Variants in DOCK11 observed in about 807,000 individuals in gnomAD.
DOCK11 encodes dedicator of cytokinesis protein 11.
In DOCK11, 70 loss-of-function variants were observed where a neutral mutation model predicts 169.1. That is an observed-to-expected ratio of 0.41 (90% CI 0.34 to 0.51). The LOEUF is 0.51. DOCK11 is among the 20% of genes least tolerant of loss of function. The pLI, the probability that DOCK11 is intolerant of heterozygous loss-of-function variation, is 0.10. For missense variants in DOCK11, 1,166 were observed against 1,538.8 expected (o/e 0.76, Z 4.05); for synonymous variants, 529 against 541.3 (o/e 0.98, Z 0.32).
intron 40 of DOCK11, among the ~76,000 whole-genome samples, chrX:118,648,429 A>C (rs1167279391): frequency 3.1e-5 from 3 of 96,225 alleles, no homozygotes; most frequent in Non-Finnish European, 6.1e-5. Context: ...TTATATTTCA[A>C]CAGTTCCTTT....
chrX:118,568,330 T>C (rs112643752), intron 10 of DOCK11, among the ~76,000 whole-genome samples, 168 bp downstream of exon 10: 1 of 93,591 alleles, frequency 1.1e-5, no homozygotes, highest in African/African-American at 3.8e-5. Context: ...AACTCTTCAC[T>C]CAAGGGGACT....
At chrX:118,603,558 T>C (rs970838039) in intron 23 of DOCK11, among the ~76,000 whole-genome samples, 2 of 112,289 alleles carry the variant, frequency 1.8e-5, no homozygotes, top group African/African-American at 6.5e-5. Context: ...GCACACTCAG[T>C]TGCTTCTTTG....
chrX:118,515,656 G>A (rs1295883059), intron 1 of DOCK11, among the ~76,000 whole-genome samples: 1 of 110,576 alleles, frequency 9.0e-6, no homozygotes, highest in South Asian at 3.9e-4. Context: ...TTAGGTTTTA[G>A]AGAGGATTGA....
chrX:118,607,897 A>G (rs746934855), intron 24 of DOCK11, among the ~76,000 whole-genome samples, 175 bp from the exon 25 acceptor site: 25 of 112,409 alleles, frequency 2.2e-4, no homozygotes, highest in Non-Finnish European at 3.9e-4. Context: ...AGCATGTTAG[A>G]TGCTGAAATC....
In DOCK11 at chrX:118,636,503, G is replaced by T. The variant is rs111253120; in HGVS notation, c.3953+91G>T. On this transcript the variant is annotated intron_variant, in intron 36 of 52. Transcript: ENST00000276202. Reference sequence around the variant, plus strand: ...TTTTTCTGTTTTTAATAGCTTATTTGCTAATAATGTAGAAAATGTTAAATT... The same window carrying T: ...TTTTTCTGTTTTTAATAGCTTATTTTCTAATAATGTAGAAAATGTTAAATT... 2,162 of 383,937 alleles carry T rather than the reference G, an allele frequency of 5.6e-3. 33 individuals carry two copies. Among genetic ancestry groups the T allele is most frequent in the African/African-American group, 0.051 (1,951 of 37,900 alleles). 31.6% of individuals were successfully genotyped at this position (383,937 alleles called of 1,213,427 possible).
At chrX:118,584,692 T>C (rs758861830) in intron 14 of DOCK11, 43 bp from the exon 15 acceptor site, 2 of 1,081,245 alleles carry the variant, frequency 1.8e-6, no homozygotes, top group South Asian at 5.0e-5. Flanking sequence ...TTTATCAACA[T>C]GGAATTTTTT....
chrX:118,565,565 T>C, intron 7 of DOCK11, among the ~76,000 whole-genome samples: 1 of 112,285 alleles, frequency 8.9e-6, no homozygotes, highest in Non-Finnish European at 1.9e-5. Context: ...TGGTGAGATA[T>C]AAATTTATCA....
At chrX:118,583,998 G>A (rs182799542) in intron 14 of DOCK11, among the ~76,000 whole-genome samples, 192 of 111,445 alleles carry the variant, frequency 1.7e-3, no homozygotes, top group African/African-American at 5.8e-3. Context: ...ACAGAGAACC[G>A]ACTCTACATT....
chrX:118,604,911 C>T (rs1346869661), intron 23 of DOCK11, among the ~76,000 whole-genome samples: 1 of 111,633 alleles, frequency 9.0e-6, no homozygotes, highest in African/African-American at 3.3e-5. Context: ...GTATCATCTC[C>T]AAACATCTGT....
intron 16 of DOCK11, among the ~76,000 whole-genome samples, chrX:118,585,733 C>T (rs951965434): frequency 7.3e-5 from 8 of 109,244 alleles, no homozygotes; most frequent in African/African-American, 1.0e-4. Context: ...GGTTCTATTG[C>T]CTTTTGCCTT....
At chrX:118,551,266 G>A (rs749616516) in intron 6 of DOCK11, among the ~76,000 whole-genome samples, 1 of 112,727 alleles carries the variant, frequency 8.9e-6, no homozygotes, top group Non-Finnish European at 1.9e-5. Flanking sequence ...TTTTAGCTGA[G>A]CTTATTTGAT....
intron 32 of DOCK11, among the ~76,000 whole-genome samples, chrX:118,626,050 A>T (rs966143286): frequency 1.9e-5 from 2 of 105,108 alleles, no homozygotes; most frequent in Non-Finnish European, 3.9e-5. Flanking sequence ...CTAATCTGTC[A>T]TTCCAAATCC....
chrX:118,517,656 G>T (rs1264593056), intron 1 of DOCK11, among the ~76,000 whole-genome samples: 2 of 110,653 alleles, frequency 1.8e-5, no homozygotes, highest in Non-Finnish European at 3.8e-5. Flanking sequence ...TAATCCTGCA[G>T]CTCCTTGCCT....
At chrX:118,611,489 G>A (rs779585683) in intron 28 of DOCK11, among the ~76,000 whole-genome samples, 4 of 112,257 alleles carry the variant, frequency 3.6e-5, no homozygotes, top group South Asian at 3.7e-4. Flanking sequence ...CATTTAAATC[G>A]TTTCTCTGAC....
intron 1 of DOCK11, among the ~76,000 whole-genome samples, chrX:118,538,174 AT>A (rs2011827099): frequency 8.9e-6 from 1 of 112,223 alleles, no homozygotes; most frequent in East Asian, 2.8e-4. Flanking sequence ...GGTGTGGCAA[AT>A]ATGAGGATTA....
chrX:118,648,652 A>G (rs768995190), intron 40 of DOCK11, among the ~76,000 whole-genome samples: 4 of 101,598 alleles, frequency 3.9e-5, no homozygotes, highest in African/African-American at 1.4e-4. Context: ...GATATAATAT[A>G]ATACTATAAT....
chrX:118,601,160 A>G (rs1401071637), intron 23 of DOCK11, among the ~76,000 whole-genome samples: 1 of 111,667 alleles, frequency 9.0e-6, no homozygotes, highest in South Asian at 3.7e-4. Context: ...GCAATGGCTC[A>G]TGCCTGTAAT....
chrX:118,508,497 A>G (rs983039597), intron 1 of DOCK11, among the ~76,000 whole-genome samples: 1 of 111,361 alleles, frequency 9.0e-6, no homozygotes, highest in African/African-American at 3.3e-5. Flanking sequence ...AGTACATTAA[A>G]TCGTTTCCTA....
intron 34 of DOCK11, among the ~76,000 whole-genome samples, chrX:118,630,143 T>C (rs758439337): frequency 2.7e-5 from 3 of 111,747 alleles, no homozygotes; most frequent in Non-Finnish European, 5.6e-5. Flanking sequence ...CATATGAGAA[T>C]GAAACACAGT....
Sources: allele counts gnomAD v4.1 joint callset (sites outside exome capture counted in the v4.1 genomes callset), GRCh38; gene constraint gnomAD v4.1.1; transcripts MANE v1.5; gene names NCBI Gene and HGNC (gene_info 2026-07-23, HGNC 2026-07-21).